ADGRL2: variants seen among roughly 807,000 people sequenced by gnomAD.
ADGRL2 encodes calcium-independent alpha-latrotoxin receptor 2.
Under a neutral mutation model 157.4 loss-of-function variants are expected in ADGRL2, and 44 were observed. The observed-to-expected ratio is 0.28, with a 90% confidence interval of 0.22 to 0.36. ADGRL2 has a LOEUF of 0.36. ADGRL2 is among the 10% of genes least tolerant of loss of function. The pLI, the probability that ADGRL2 is intolerant of heterozygous loss-of-function variation, is 1.00. For synonymous variants in ADGRL2, 585 were observed against 624.7 expected, an observed-to-expected ratio of 0.94 and a Z score of 0.95; for missense variants, 1,510 against 1,768.9, an observed-to-expected ratio of 0.85 and a Z score of 2.63.
intron 2 of ADGRL2, among the ~76,000 whole-genome samples, chr1:81,561,126 C>T (rs12069329): frequency 6.6e-6 from 1 of 151,846 alleles, no homozygotes; most frequent in Non-Finnish European, 1.5e-5. Context: ...ACAGCACACA[C>T]TCTCAACATC....
rs1482618069 is a variant in ADGRL2, at chr1:81,800,981, G to T, written c.-188G>T. ...CCGCCACCGCCGCCCGGACAGCCCTGCGGCCGCCCCGCCGGCGGAGCCGGG... is the reference window on the plus strand; with the variant it reads ...CCGCCACCGCCGCCCGGACAGCCCTTCGGCCGCCCCGCCGGCGGAGCCGGG... On this transcript the variant is annotated 5_prime_UTR_variant, in exon 1 of 24. Coordinates refer to ENST00000686636, the MANE Select transcript of ADGRL2 (RefSeq NM_001366006.2). 6.7e-6 allele frequency among the ~76,000 whole-genome samples: 1 copy of T among 149,950 alleles called. No individual in the cohort carries two copies. Among genetic ancestry groups the T allele is most frequent in the East Asian group, 2.0e-4 (1 of 5,052 alleles).
At chr1:81,436,737 G>A (rs1368850329) in intron 1 of ADGRL2, among the ~76,000 whole-genome samples, 1 of 152,202 alleles carries the variant, frequency 6.6e-6, no homozygotes, top group Non-Finnish European at 1.5e-5. Flanking sequence ...GCCAGGGACT[G>A]GTCTGCTCAG....
upstream of ADGRL2, among the ~76,000 whole-genome samples, chr1:81,800,098 G>A (rs2087821085): frequency 6.6e-6 from 1 of 152,064 alleles, no homozygotes; most frequent in Admixed American, 6.6e-5. Flanking sequence ...TTCAATGTAA[G>A]GAAATGAGGG....
In ADGRL2 at chr1:81,565,699, C is replaced by T. The variant is rs540659577; in HGVS notation, c.-247-15177C>T. 3.9e-5 allele frequency among the ~76,000 whole-genome samples: 6 copies of T among 152,234 alleles called. 1 individual carries two copies. The highest frequency in any genetic ancestry group is 3.9e-4 in the Admixed American group (6 of 15,276). ...CTTGAGAGAAAACATTTTCTCATAT[C>T]ATGTAAGAACTACATGGAGTGTAGG... On this transcript the variant is annotated intron_variant, in intron 2 of 24. Coordinates refer to the ADGRL2 transcript ENST00000370721.
In ADGRL2 at chr1:81,971,838, T is replaced by C; in HGVS notation, c.2955-14T>C. 1 of 1,539,152 alleles carries C rather than the reference T, an allele frequency of 6.5e-7. No homozygotes were observed. Among genetic ancestry groups the C allele is most frequent in the Non-Finnish European group, 9.0e-7 (1 of 1,113,908 alleles). On this transcript the variant is annotated splice_polypyrimidine_tract_variant and intron_variant, in intron 16 of 23. Coordinates refer to ENST00000686636, the MANE Select transcript of ADGRL2 (RefSeq NM_001366006.2). ...TAGAAACTACTAATGCATATTCTTC[T>C]CTTTTCATAATAGTTGCTGGCTTCA...
At chr1:81,631,591 C>T (rs888851684) in intron 3 of ADGRL2, among the ~76,000 whole-genome samples, 1 of 152,132 alleles carries the variant, frequency 6.6e-6, no homozygotes, top group Non-Finnish European at 1.5e-5. Context: ...ATATCTAGGT[C>T]CCATCACCAG....
Position 81,942,980 on chromosome 1 carries a change from C to G in ADGRL2, c.421C>G (p.Pro141Ala). 4 of 1,611,132 alleles carry G rather than the reference C, an allele frequency of 2.5e-6. No individual in the cohort carries two copies. The highest frequency in any genetic ancestry group is 3.4e-6 in the Non-Finnish European group (4 of 1,178,196). Residue 141 changes from proline (P) to alanine (A), a missense_variant, in exon 6 of 24, where the codon CCT (proline) becomes GCT (alanine). By Grantham distance (27) the Pro-to-Ala change is conservative. Coordinates refer to ENST00000686636, the MANE Select transcript of ADGRL2 (RefSeq NM_001366006.2). Reference protein sequence around the residue: ...PYMEQKVFVCPGTLKAIVDSP... With the variant: ...PYMEQKVFVCAGTLKAIVDSP... ...TCTGTAACTGTTAGTTTTTGTGTGT[C>G]CTGGGACCTTGAAAGCAATTGTGGA...
chr1:81,956,569 T>C (rs185220827), intron 11 of ADGRL2, among the ~76,000 whole-genome samples: 3 of 152,292 alleles, frequency 2.0e-5, no homozygotes, highest in African/African-American at 7.2e-5. Context: ...GCTTCATAGA[T>C]TGCAGAATAG....
At chr1:81,667,676 A>G (rs1382116848) in intron 3 of ADGRL2, among the ~76,000 whole-genome samples, 1 of 152,186 alleles carries the variant, frequency 6.6e-6, no homozygotes, top group African/African-American at 2.4e-5. Flanking sequence ...CATTTCTAGT[A>G]TAAAGTAGGC....
intron 2 of ADGRL2, among the ~76,000 whole-genome samples, chr1:81,483,343 A>C (rs2078431227): frequency 6.6e-6 from 1 of 152,200 alleles, no homozygotes; most frequent in African/African-American, 2.4e-5. Flanking sequence ...AGGTGAAGAA[A>C]ATGAAGCAAT....
At chr1:81,949,093 A>T (rs1451049431) in intron 6 of ADGRL2, among the ~76,000 whole-genome samples, 1 of 152,232 alleles carries the variant, frequency 6.6e-6, no homozygotes, top group Non-Finnish European at 1.5e-5. Context: ...TGATTTTATT[A>T]AGATGATTTG....
At position 81,969,301 on chromosome 1, in the gene ADGRL2, C is replaced by G. The variant is rs2149315048; in HGVS notation, c.2647C>G (p.Arg883Gly). The change falls in exon 15 of 24, where the codon CGA (arginine) becomes GGA (glycine). Residue 883 changes from arginine (R) to glycine (G), a missense_variant. Physicochemically the swap from Arg to Gly is moderately radical, Grantham distance 125. Coordinates refer to ENST00000686636, the MANE Select transcript of ADGRL2 (RefSeq NM_001366006.2). ...CTTTTTCCGTGGCCTACAGAGTGAC[C>G]GAAATACTATTCACAAGAACCTTTG... ...FCFFRGLQSDRNTIHKNLCIN... is the reference protein window; with the variant it reads ...FCFFRGLQSDGNTIHKNLCIN... 1.2e-6 allele frequency: 2 copies of G among 1,613,840 alleles called. No homozygotes were observed. The highest frequency in any genetic ancestry group is 4.5e-5 in the East Asian group (2 of 44,856).
chr1:81,974,398 T>C (rs1429481074), intron 17 of ADGRL2, among the ~76,000 whole-genome samples: 1 of 152,158 alleles, frequency 6.6e-6, no homozygotes, highest in Non-Finnish European at 1.5e-5. Flanking sequence ...TCGTTAATAA[T>C]TAATTCAGTT....
intron 2 of ADGRL2, among the ~76,000 whole-genome samples, chr1:81,861,209 C>T (rs1009632011): frequency 9.2e-5 from 14 of 151,890 alleles, no homozygotes; most frequent in African/African-American, 2.4e-4. Context: ...TTAGTAAAGA[C>T]GGGGTTTCAC....
chr1:81,689,365 G>A (rs758828211), intron 3 of ADGRL2, among the ~76,000 whole-genome samples: 1 of 152,058 alleles, frequency 6.6e-6, no homozygotes, highest in Non-Finnish European at 1.5e-5. Context: ...TTAAGCACCT[G>A]TTATATTTGA....
At chr1:81,559,820 C>T (rs569613995) in intron 2 of ADGRL2, among the ~76,000 whole-genome samples, 1 of 152,282 alleles carries the variant, frequency 6.6e-6, no homozygotes, top group Admixed American at 6.5e-5. Context: ...TGTAGTACCT[C>T]ACACGGCCAC....
chr1:81,712,136 T>C (rs1219927988), intron 1 of ADGRL2, among the ~76,000 whole-genome samples: 5 of 152,094 alleles, frequency 3.3e-5, no homozygotes, highest in Admixed American at 3.3e-4. Flanking sequence ...GGTTTCTATA[T>C]GGCAACTGGA....
At chr1:81,898,609 T>C (rs1315264593) in intron 2 of ADGRL2, among the ~76,000 whole-genome samples, 3 of 152,206 alleles carry the variant, frequency 2.0e-5, no homozygotes, top group Admixed American at 2.0e-4. Flanking sequence ...ACATTCTGCC[T>C]TGTGGTATAA....
intron 12 of ADGRL2, 29 bp downstream of exon 12, chr1:81,966,212 A>C: frequency 6.2e-7 from 1 of 1,613,554 alleles, no homozygotes; most frequent in South Asian, 1.1e-5. Flanking sequence ...AAAAATTGAC[A>C]GTTTTTGTTG....
Sources: allele counts gnomAD v4.1 joint callset (sites outside exome capture counted in the v4.1 genomes callset), GRCh38; gene constraint gnomAD v4.1.1; transcripts MANE v1.5; gene names NCBI Gene and HGNC (gene_info 2026-07-23, HGNC 2026-07-21).